Variants in GNAQ observed in about 807,000 individuals in gnomAD.
The protein encoded by GNAQ is G protein subunit alpha q, also known as guanine nucleotide-binding protein G(q) subunit alpha.
In GNAQ, 8 loss-of-function variants were observed where a neutral mutation model predicts 43.9. The observed-to-expected ratio is 0.18, with a 90% CI of 0.11 to 0.33. The LOEUF (loss-of-function observed/expected upper bound fraction) is 0.33. Among genes scored for constraint, GNAQ ranks in the 10% least tolerant of loss-of-function variants. The pLI is 1.00. For missense variants in GNAQ, 158 were observed against 450.8 expected (o/e 0.35, Z 5.88); for synonymous variants, 155 against 170.7 (o/e 0.91, Z 0.71).
chr9:77,814,206 T>G (rs532376101), intron 3 of GNAQ, among the ~76,000 whole-genome samples: 233 of 152,218 alleles, frequency 1.5e-3, no homozygotes, highest in Non-Finnish European at 2.7e-3. Flanking sequence ...TGCATCTTTT[T>G]CATCTCTGTA....
At chr9:77,804,780 C>T (rs900205049) in intron 3 of GNAQ, among the ~76,000 whole-genome samples, 2 of 152,036 alleles carry the variant, frequency 1.3e-5, no homozygotes, top group African/African-American at 2.4e-5. Context: ...TTGCAGTTCA[C>T]GTCAAATATT....
At chr9:77,996,677 C>CA (rs3083223) in intron 1 of GNAQ, among the ~76,000 whole-genome samples, 1,175 of 105,390 alleles carry the variant, frequency 0.011, 17 homozygotes, top group African/African-American at 0.033. Flanking sequence ...GACTCCATCT[C>CA]AAAAAAAAAA....
chr9:78,016,883 CAT>C (rs1228112550), intron 1 of GNAQ, among the ~76,000 whole-genome samples: 1 of 152,056 alleles, frequency 6.6e-6, no homozygotes, highest in Non-Finnish European at 1.5e-5. Flanking sequence ...ACAACAAAGA[CAT>C]GTCTTTTTTT....
intron 2 of GNAQ, among the ~76,000 whole-genome samples, chr9:77,920,549 A>G (rs1042087087): frequency 2.6e-5 from 4 of 152,214 alleles, no homozygotes. Flanking sequence ...CAAGGAAACA[A>G]GCATGCTAAC....
chr9:77,891,129 A>G (rs894168625), intron 2 of GNAQ, among the ~76,000 whole-genome samples: 2 of 152,250 alleles, frequency 1.3e-5, no homozygotes, highest in African/African-American at 4.8e-5. Flanking sequence ...TCAGCACTTA[A>G]GCAAAAATGA....
At chr9:77,746,090 AAT>A (rs1175434261) in intron 5 of GNAQ, among the ~76,000 whole-genome samples, 2 of 152,210 alleles carry the variant, frequency 1.3e-5, no homozygotes, top group African/African-American at 2.4e-5. Context: ...AAGACTATGA[AAT>A]AGTGTTTTCA....
At chr9:77,759,686 G>A (rs1264981828) in intron 5 of GNAQ, among the ~76,000 whole-genome samples, 1 of 152,058 alleles carries the variant, frequency 6.6e-6, no homozygotes, top group African/African-American at 2.4e-5. Flanking sequence ...TTGTGAAAAG[G>A]CCAGACAAGA....
intron 3 of GNAQ, among the ~76,000 whole-genome samples, chr9:77,810,943 T>C (rs963791432): frequency 5.3e-5 from 8 of 152,168 alleles, no homozygotes; most frequent in East Asian, 1.9e-4. Context: ...AAAGGATGAA[T>C]AGGAGTTCAT....
intron 3 of GNAQ, among the ~76,000 whole-genome samples, chr9:77,804,403 G>A (rs935117517): frequency 6.6e-6 from 1 of 152,150 alleles, no homozygotes; most frequent in Non-Finnish European, 1.5e-5. Flanking sequence ...GGCGGCATGT[G>A]CCTACAGTCC....
intron 1 of GNAQ, among the ~76,000 whole-genome samples, chr9:77,926,101 T>C (rs1055611228): frequency 2.6e-5 from 4 of 152,162 alleles, no homozygotes; most frequent in African/African-American, 9.6e-5. Context: ...GCCAAATGCA[T>C]ATGGACTAAA....
chr9:77,966,382 T>C (rs1379818872), intron 1 of GNAQ, among the ~76,000 whole-genome samples: 1 of 152,226 alleles, frequency 6.6e-6, no homozygotes, highest in Non-Finnish European at 1.5e-5. Flanking sequence ...TAAGAGACAA[T>C]GTAAATTCTA....
chr9:77,858,455 G>A (rs1049566476), intron 2 of GNAQ, among the ~76,000 whole-genome samples: 4 of 152,068 alleles, frequency 2.6e-5, no homozygotes, highest in Non-Finnish European at 5.9e-5. Flanking sequence ...CTGCCAGATC[G>A]TAAGTTGTTG....
At chr9:77,850,376 T>G (rs755016080) in intron 2 of GNAQ, among the ~76,000 whole-genome samples, 3 of 151,962 alleles carry the variant, frequency 2.0e-5, no homozygotes, top group Non-Finnish European at 4.4e-5. Flanking sequence ...TCTCACTGTG[T>G]CCCTCCTCTA....
intron 1 of GNAQ, among the ~76,000 whole-genome samples, chr9:78,021,297 A>G (rs1226802264): frequency 1.3e-5 from 2 of 152,168 alleles, no homozygotes; most frequent in African/African-American, 4.8e-5. Flanking sequence ...AAGTGCTGGG[A>G]TTACACGCGT....
chr9:77,853,774 CAAAAAAA>C (rs34924714), intron 2 of GNAQ, among the ~76,000 whole-genome samples: 51 of 56,760 alleles, frequency 9.0e-4, no homozygotes, highest in Middle Eastern at 0.017. Context: ...AAATTACTAC[CAAAAAAA>C]AAAAAAAAAA....
intron 2 of GNAQ, among the ~76,000 whole-genome samples, chr9:77,904,347 T>TTTTTTTG: frequency 1.3e-5 from 1 of 79,316 alleles, no homozygotes; most frequent in South Asian, 4.4e-4. Flanking sequence ...TTTTTTTTTT[T>TTTTTTTG]TGTGAGACAG....
rs111783402 is a variant in GNAQ, at chr9:77,814,604, C to T, written c.476+1012G>A. ...GCCTAGAATTAGAGTAAAAGCATGACAATTTTACTGAAAAAACAGAGTCAT... is the reference window on the plus strand; with the variant it reads ...GCCTAGAATTAGAGTAAAAGCATGATAATTTTACTGAAAAAACAGAGTCAT... On this transcript the variant is annotated intron_variant, in intron 3 of 6. Coordinates refer to ENST00000286548, the MANE Select transcript of GNAQ (RefSeq NM_002072.5). Among the ~76,000 whole-genome samples, 211 of 152,220 alleles carry T rather than the reference C, an allele frequency of 1.4e-3. 3 individuals carry two copies. Among genetic ancestry groups the T allele is most frequent in the African/African-American group, 4.9e-3 (203 of 41,530 alleles).
chr9:77,737,236 T>C (rs1225432439), intron 5 of GNAQ, among the ~76,000 whole-genome samples: 1 of 152,218 alleles, frequency 6.6e-6, no homozygotes, highest in African/African-American at 2.4e-5. Flanking sequence ...TTCTCGTTGC[T>C]CTCTGATGTA....
At chr9:77,779,915 GAAC>G (rs1826365851) in intron 5 of GNAQ, among the ~76,000 whole-genome samples, 1 of 151,866 alleles carries the variant, frequency 6.6e-6, no homozygotes, top group African/African-American at 2.4e-5. Flanking sequence ...AACCGAAATG[GAAC>G]AACAATTAAC....
Sources: allele counts gnomAD v4.1 joint callset (sites outside exome capture counted in the v4.1 genomes callset), GRCh38; gene constraint gnomAD v4.1.1; transcripts MANE v1.5; gene names NCBI Gene and HGNC (gene_info 2026-07-23, HGNC 2026-07-21).